The following KCTD8 variants were observed in gnomAD, a reference collection of about 807,000 sequenced individuals.
KCTD8 encodes the protein potassium channel tetramerization domain containing 8.
A neutral mutation model predicts 31.5 loss-of-function variants in KCTD8; 27 were observed. That is an observed-to-expected ratio of 0.86 (90% confidence interval 0.63 to 1.18). The LOEUF (loss-of-function observed/expected upper bound fraction) is 1.18, where lower values mean the gene tolerates loss of function less well. Ranked by LOEUF, KCTD8 falls within the 50% of genes most tolerant of loss-of-function variation. KCTD8 has a pLI of 0.00. For missense variants in KCTD8, 658 were observed against 647.7 expected (o/e 1.02, Z -0.17); for synonymous variants, 290 against 280.0 (o/e 1.04, Z -0.36).
At chr4:44,404,031 G>A (rs968793452) in intron 1 of KCTD8, among the ~76,000 whole-genome samples, 3 of 151,874 alleles carry the variant, frequency 2.0e-5, no homozygotes, top group East Asian at 1.9e-4. Flanking sequence ...CTGATAGTAC[G>A]TCAGATTCAG....
intron 1 of KCTD8, among the ~76,000 whole-genome samples, chr4:44,346,882 G>C (rs1207594065): frequency 6.6e-6 from 1 of 152,178 alleles, no homozygotes; most frequent in African/African-American, 2.4e-5. Flanking sequence ...AAAAAGTAAA[G>C]TATATATTTG....
intron 1 of KCTD8, among the ~76,000 whole-genome samples, chr4:44,344,235 A>C (rs1718983208): frequency 6.6e-6 from 1 of 152,038 alleles, no homozygotes; most frequent in African/African-American, 2.4e-5. Flanking sequence ...CCCAGGCTGC[A>C]GTGCAGTGTT....
At chr4:44,338,884 T>G (rs1718823063) in intron 1 of KCTD8, among the ~76,000 whole-genome samples, 1 of 152,122 alleles carries the variant, frequency 6.6e-6, no homozygotes, top group Admixed American at 6.6e-5. Context: ...AAAAGCTCTC[T>G]TCATAAGTCC....
chr4:44,349,662 C>T (rs1016212868), intron 1 of KCTD8, among the ~76,000 whole-genome samples: 1 of 152,138 alleles, frequency 6.6e-6, no homozygotes, highest in African/African-American at 2.4e-5. Context: ...CCCTAGATAC[C>T]TTGCACTTAC....
chr4:44,351,851 T>G (rs993357996), intron 1 of KCTD8, among the ~76,000 whole-genome samples: 3 of 152,148 alleles, frequency 2.0e-5, no homozygotes, highest in Non-Finnish European at 4.4e-5. Context: ...AATATTTATT[T>G]ATTCTTTATT....
At chr4:44,190,768 C>A (rs71610095) in intron 1 of KCTD8, among the ~76,000 whole-genome samples, 11,193 of 152,176 alleles carry the variant, frequency 0.074, 574 homozygotes, top group Non-Finnish European at 0.11. Context: ...AGAATGAGAG[C>A]TGAAAGGGAA....
At chr4:44,358,638 G>C (rs1482216889) in intron 1 of KCTD8, among the ~76,000 whole-genome samples, 7 of 151,276 alleles carry the variant, frequency 4.6e-5, no homozygotes, top group Admixed American at 1.3e-4. Flanking sequence ...GCACGATCTC[G>C]GCTCACCGAA....
At chr4:44,377,559 A>T (rs989581061) in intron 1 of KCTD8, among the ~76,000 whole-genome samples, 1 of 152,170 alleles carries the variant, frequency 6.6e-6, no homozygotes, top group Non-Finnish European at 1.5e-5. Flanking sequence ...CAGATTTAAC[A>T]TATGCTTGGG....
At chr4:44,295,493 GAAAGC>G (rs1414408814) in intron 1 of KCTD8, among the ~76,000 whole-genome samples, 1 of 150,468 alleles carries the variant, frequency 6.6e-6, no homozygotes, top group Non-Finnish European at 1.5e-5. Flanking sequence ...GAAAGGGAGG[GAAAGC>G]AAAGAAAAAA....
chr4:44,282,720 T>C (rs1716934257), intron 1 of KCTD8, among the ~76,000 whole-genome samples: 1 of 152,056 alleles, frequency 6.6e-6, no homozygotes, highest in Non-Finnish European at 1.5e-5. Context: ...TTATTTTTGA[T>C]ATGATGGCAG....
chr4:44,444,606 A>G (rs1268155852), intron 1 of KCTD8, among the ~76,000 whole-genome samples: 2 of 152,210 alleles, frequency 1.3e-5, no homozygotes, highest in Non-Finnish European at 2.9e-5. Flanking sequence ...CACTACATGT[A>G]TATTCTCAAA....
intron 1 of KCTD8, among the ~76,000 whole-genome samples, chr4:44,305,504 G>A (rs1301189909): frequency 1.3e-5 from 2 of 151,308 alleles, no homozygotes; most frequent in East Asian, 1.9e-4. Flanking sequence ...AAACTCACCA[G>A]GATGATATAA....
intron 1 of KCTD8, among the ~76,000 whole-genome samples, chr4:44,301,166 G>A (rs531012929): frequency 6.6e-5 from 10 of 152,202 alleles, no homozygotes; most frequent in East Asian, 3.9e-4. Flanking sequence ...GAATAATGCC[G>A]CAATAAACAT....
chr4:44,182,792 A>AAAAT (rs1030413567), intron 1 of KCTD8, among the ~76,000 whole-genome samples: 2 of 152,164 alleles, frequency 1.3e-5, no homozygotes, highest in Non-Finnish European at 2.9e-5. Flanking sequence ...AATAAAATAA[A>AAAAT]AAATAAATAA....
At chr4:44,342,366 CAAAA>C (rs34201696) in intron 1 of KCTD8, among the ~76,000 whole-genome samples, 4 of 87,510 alleles carry the variant, frequency 4.6e-5, no homozygotes, top group South Asian at 7.7e-4. Flanking sequence ...AAGACTGTCT[CAAAA>C]AAAAAAAAAA....
At chr4:44,422,407 G>A (rs1721236230) in intron 1 of KCTD8, among the ~76,000 whole-genome samples, 1 of 151,978 alleles carries the variant, frequency 6.6e-6, no homozygotes, top group African/African-American at 2.4e-5. Flanking sequence ...CCATAGCCAA[G>A]GAAGAATCTA....
intron 1 of KCTD8, among the ~76,000 whole-genome samples, chr4:44,182,192 GCCGACCCGT>G (rs1367864154): frequency 6.6e-6 from 1 of 150,504 alleles, no homozygotes; most frequent in Admixed American, 6.6e-5. Flanking sequence ...CGCCTGGCCG[GCCGACCCGT>G]CCGGGAGGTG....
At chr4:44,217,739 C>T (rs556361474) in intron 1 of KCTD8, among the ~76,000 whole-genome samples, 2 of 152,194 alleles carry the variant, frequency 1.3e-5, no homozygotes, top group South Asian at 4.1e-4. Flanking sequence ...GTGCTGGATG[C>T]TTCCATCCAT....
intron 1 of KCTD8, among the ~76,000 whole-genome samples, chr4:44,418,324 G>A (rs1255167982): frequency 6.6e-6 from 1 of 152,136 alleles, no homozygotes; most frequent in East Asian, 1.9e-4. Context: ...GTAATGGGCA[G>A]TACAGAAATT....
Sources: allele counts gnomAD v4.1 joint callset (sites outside exome capture counted in the v4.1 genomes callset), GRCh38; gene constraint gnomAD v4.1.1; transcripts MANE v1.5; gene names NCBI Gene and HGNC (gene_info 2026-07-23, HGNC 2026-07-21).